The following ZNF831 variants were observed in gnomAD, a reference collection of about 807,000 sequenced individuals.
ZNF831 encodes chromosome 20 open reading frame 174.
Under a neutral mutation model 95.8 loss-of-function variants are expected in ZNF831, and 59 were observed. The ratio of observed to expected loss-of-function variants is 0.62; its 90% CI spans 0.50 to 0.77. The LOEUF is 0.77. Ranked by LOEUF, ZNF831 falls within the 30% of genes least tolerant of loss-of-function variation. The pLI is 0.00. For synonymous variants in ZNF831, 961 were observed against 925.5 expected (o/e 1.04, Z -0.70); for missense variants, 2,205 against 2,164.0 (o/e 1.02, Z -0.38).
rs200797810 is a variant in ZNF831, at chr20:59,192,316, G to A, written c.1297G>A (p.Gly433Arg). 2.3e-5 allele frequency: 36 copies of A among 1,595,434 alleles called. No homozygotes were observed. The highest frequency in any genetic ancestry group is 2.9e-5 in the Non-Finnish European group (34 of 1,170,872). ...GGACAACGTGCGGCCCCGGAAGACC[G>A]GGCTGTCCAAACAGGGCAGCATCGA... Reference protein sequence around the residue: ...QLDNVRPRKTGLSKQGSIDLP... With the variant: ...QLDNVRPRKTRLSKQGSIDLP... The change falls in exon 2 of 6, where the codon GGG (glycine) becomes AGG (arginine). Residue 433 changes from glycine (G) to arginine (R), a missense_variant. By Grantham distance (125) the Gly-to-Arg change is moderately radical. Coordinates refer to ENST00000371030, the MANE Select transcript of ZNF831 (RefSeq NM_178457.3). The surrounding 1 kb of genome is among the most constrained non-coding windows in gnomAD (Gnocchi z 5.2).
chr20:59,167,708 AT>A (rs1224196105), intron 1 of ZNF831, among the ~76,000 whole-genome samples: 3 of 150,404 alleles, frequency 2.0e-5, no homozygotes, highest in Non-Finnish European at 3.0e-5. Context: ...TTTCAGCATC[AT>A]TTGTTGAAAC....
In ZNF831 at chr20:59,130,339, C is replaced by T. The variant is rs543972291; in HGVS notation, c.-1425+6834C>T. ...GTTTTTCCAGCAAGATGTGAACTGT[C>T]GTAGCCATTGGAAGGTGTGAGGGTT... On this transcript the variant is annotated intron_variant, in intron 1 of 7. Coordinates refer to the ZNF831 transcript ENST00000637017. 1.2e-4 allele frequency among the ~76,000 whole-genome samples: 18 copies of T among 152,234 alleles called. No homozygotes were observed. The South Asian group carries it at 1.7e-3, about 14-fold the overall frequency.
chr20:59,193,961 G>A lies in ZNF831; in HGVS notation c.2942G>A (p.Gly981Glu), dbSNP rs2146592004. The A allele has an allele frequency of 3.2e-6, 5 of 1,565,828 alleles. No individual in the cohort carries two copies. Among genetic ancestry groups the A allele is most frequent in the Non-Finnish European group, 4.3e-6 (5 of 1,156,128 alleles). ...GWPEERASFV[G>E]SGLGTPLSPS... ...CCTGAAGAACGGGCATCATTTGTTG[G>A]GTCAGGACTGGGGACCCCTCTTTCT... Residue 981 changes from glycine to glutamate, a missense_variant, in exon 2 of 6, where the codon GGG becomes GAG. Physicochemically the swap from Gly to Glu is moderately conservative, Grantham distance 98 (BLOSUM62 -2). Coordinates refer to ENST00000371030, the MANE Select transcript of ZNF831 (RefSeq NM_178457.3).
intron 1 of ZNF831, among the ~76,000 whole-genome samples, chr20:59,138,560 A>T (rs901352932): frequency 6.6e-6 from 1 of 152,226 alleles, no homozygotes; most frequent in Non-Finnish European, 1.5e-5. Flanking sequence ...TTTTCTCACA[A>T]GCACATAATA....
intron 4 of ZNF831, among the ~76,000 whole-genome samples, chr20:59,251,462 A>C (rs1987884791): frequency 6.6e-6 from 1 of 152,244 alleles, no homozygotes; most frequent in Non-Finnish European, 1.5e-5. Flanking sequence ...TGTCATACCC[A>C]GCCAAGCTGC....
chr20:59,253,867 C>CCCTTTTTTTTTCCTTT, intron 5 of ZNF831, 31 bp from the exon 6 acceptor site: 4 of 1,142,328 alleles, frequency 3.5e-6, no homozygotes, highest in South Asian at 1.7e-5. Context: ...CCTCCCCCCC[C>CCCTTTTTTTTTCCTTT]ACTTTTTTTT....
At chr20:59,125,452 C>A (rs975978560) in intron 1 of ZNF831, among the ~76,000 whole-genome samples, 1 of 152,154 alleles carries the variant, frequency 6.6e-6, no homozygotes, top group Non-Finnish European at 1.5e-5. Context: ...CTCCCCACCC[C>A]CCCGCAGCAT....
intron 1 of ZNF831, among the ~76,000 whole-genome samples, chr20:59,141,618 G>A (rs1979682360): frequency 6.6e-6 from 1 of 152,156 alleles, no homozygotes; most frequent in South Asian, 2.1e-4. Flanking sequence ...GATTACTGTT[G>A]CCATAGAGTG....
intron 1 of ZNF831, among the ~76,000 whole-genome samples, chr20:59,183,217 G>A (rs777142790): frequency 5.9e-5 from 9 of 152,324 alleles, no homozygotes; most frequent in Non-Finnish European, 1.0e-4. Flanking sequence ...CTGTCCCTGA[G>A]TAGAGGGACA....
rs1988073718 is a variant in ZNF831 at position 59,254,398 on chromosome 20, A to G, written c.4689A>G (p.Glu1563=). The stretch of plus-strand genomic sequence containing the variant: ...ATTCGGTTCCACTGGAGTCAACTGA[A>G]AAAACTCATCTTGAAATACCAGCTT... The part of the protein sequence containing the change: ...ISDSVPLEST[E]KTHLEIPASG... Residue 1563 remains glutamate, a synonymous_variant, in exon 6 of 6, where the codon GAA becomes GAG. Coordinates refer to ENST00000371030, the MANE Select transcript of ZNF831 (RefSeq NM_178457.3). This position sits in a 1 kb window ranked among gnomAD's most constrained non-coding sequence, Gnocchi z 4.5. 32 of 1,614,172 alleles carry G rather than the reference A, an allele frequency of 2.0e-5. No homozygotes were observed. Among genetic ancestry groups the G allele is most frequent in the Non-Finnish European group, 2.6e-5 (31 of 1,180,030 alleles).
intron 3 of ZNF831, among the ~76,000 whole-genome samples, chr20:59,200,627 C>G (rs540322969): frequency 6.6e-6 from 1 of 152,174 alleles, no homozygotes; most frequent in Non-Finnish European, 1.5e-5. Context: ...TTCCTCCCTT[C>G]TGCCCGTCCT....
chr20:59,201,645 A>AAG (rs1351589455), intron 3 of ZNF831, among the ~76,000 whole-genome samples: 2 of 152,300 alleles, frequency 1.3e-5, no homozygotes, highest in East Asian at 3.9e-4. Context: ...GTGTTTACAT[A>AAG]TGGTGTGATG....
chr20:59,199,138 G>A (rs1028511814), intron 3 of ZNF831, among the ~76,000 whole-genome samples: 8 of 131,376 alleles, frequency 6.1e-5, no homozygotes, highest in African/African-American at 2.4e-4. Flanking sequence ...TATCTATCAC[G>A]TAACCCTTGT....
chr20:59,195,840 T>G, intron 2 of ZNF831, 29 bp from the exon 3 acceptor site: 1 of 1,602,410 alleles, frequency 6.2e-7, no homozygotes, highest in Non-Finnish European at 8.5e-7. Context: ...CTTTGAGTAA[T>G]GTGATGCCAA....
At chr20:59,207,832 T>A (rs1985008648) in intron 4 of ZNF831, among the ~76,000 whole-genome samples, 1 of 152,246 alleles carries the variant, frequency 6.6e-6, no homozygotes. Flanking sequence ...TTCATTGTTG[T>A]CTGTTTGGCT....
intron 4 of ZNF831, among the ~76,000 whole-genome samples, chr20:59,241,581 G>A (rs6100376): frequency 0.015 from 2,238 of 152,276 alleles, 57 homozygotes; most frequent in African/African-American, 0.051. Context: ...AATGACACTT[G>A]TAAAATAAGC....
chr20:59,170,908 A>G lies in ZNF831; in HGVS notation c.-37+6701A>G, dbSNP rs538694310. ...GAGTACAGGTGGGAGGTGGCAGGCA[A>G]TCTACAACCAGAGACGTGGGTGTGT... On this transcript the variant is annotated intron_variant, in intron 1 of 5. Transcript: ENST00000371030. 1.6e-4 allele frequency among the ~76,000 whole-genome samples: 24 copies of G among 152,312 alleles called. No individual in the cohort carries two copies. The South Asian group carries it at 4.6e-3, about 29-fold the overall frequency.
intron 2 of ZNF831, among the ~76,000 whole-genome samples, chr20:59,158,562 C>G (rs529574054): frequency 6.6e-6 from 1 of 152,270 alleles, no homozygotes; most frequent in East Asian, 1.9e-4. Flanking sequence ...CTCACTTAGC[C>G]TTCCCTGGAG....
intron 1 of ZNF831, among the ~76,000 whole-genome samples, chr20:59,129,319 C>T (rs1979276395): frequency 6.6e-6 from 1 of 151,628 alleles, no homozygotes; most frequent in Admixed American, 6.6e-5. Context: ...GCATGGAACC[C>T]CCAACGCTAA....
Sources: gnomAD v4.1 joint callset for allele counts (sites outside exome capture counted in the v4.1 genomes callset) on GRCh38, gnomAD v4.1.1 for gene constraint, Gnocchi (gnomAD v3.1) non-coding constraint, MANE v1.5 for transcripts, NCBI Gene and HGNC (gene_info 2026-07-23, HGNC 2026-07-21) for gene names.